Variants in TMEM108 observed in about 807,000 individuals in gnomAD.
The protein encoded by TMEM108 is cancer/testis antigen 124.
Under a neutral mutation model 35.1 loss-of-function variants are expected in TMEM108, and 12 were observed. The ratio of observed to expected loss-of-function variants is 0.34; its 90% CI spans 0.22 to 0.55. The LOEUF (loss-of-function observed/expected upper bound fraction) is 0.55. TMEM108 is among the 20% of genes least tolerant of loss of function. The probability of loss-of-function intolerance (pLI) is 0.89; values close to 1 mark genes in which losing one functional copy is unlikely to be tolerated. For synonymous variants in TMEM108, 287 were observed against 308.6 expected (o/e 0.93, Z 0.73); for missense variants, 680 against 753.3 (o/e 0.90, Z 1.14).
intron 3 of TMEM108, among the ~76,000 whole-genome samples, chr3:133,256,674 T>C (rs983187370): frequency 1.3e-5 from 2 of 151,972 alleles, no homozygotes; most frequent in Non-Finnish European, 2.9e-5. Context: ...ATTCATAACT[T>C]CCAAACCAGT....
chr3:133,351,597 C>A (rs2071999036), intron 3 of TMEM108, among the ~76,000 whole-genome samples: 1 of 152,136 alleles, frequency 6.6e-6, no homozygotes, highest in South Asian at 2.1e-4. Flanking sequence ...AGGAGGAAGA[C>A]ACCCTCAGGA....
chr3:133,276,315 G>A (rs1946837842), intron 3 of TMEM108, among the ~76,000 whole-genome samples: 2 of 152,170 alleles, frequency 1.3e-5, no homozygotes, highest in East Asian at 3.8e-4. Flanking sequence ...GGAGTGTAAG[G>A]GAAGACTTTC....
intron 3 of TMEM108, among the ~76,000 whole-genome samples, chr3:133,295,986 G>C (rs1351671292): frequency 6.6e-6 from 1 of 152,096 alleles, no homozygotes; most frequent in Non-Finnish European, 1.5e-5. Flanking sequence ...AGAGCTGGAC[G>C]GATAACTTTA....
At chr3:133,039,260 GT>G (rs1559812928) in intron 1 of TMEM108, among the ~76,000 whole-genome samples, 1 of 152,170 alleles carries the variant, frequency 6.6e-6, no homozygotes, top group Non-Finnish European at 1.5e-5. Context: ...GAAGATAGGG[GT>G]TTTTTTCGGA....
intron 2 of TMEM108, among the ~76,000 whole-genome samples, chr3:133,097,034 A>C (rs1944024153): frequency 6.6e-6 from 1 of 152,236 alleles, no homozygotes; most frequent in Non-Finnish European, 1.5e-5. Flanking sequence ...GGGAAGGACT[A>C]AAACATGGTT....
chr3:133,083,991 G>A (rs929830786), intron 2 of TMEM108, among the ~76,000 whole-genome samples: 12 of 152,178 alleles, frequency 7.9e-5, no homozygotes, highest in Middle Eastern at 3.4e-3. Context: ...CTCTTGACAC[G>A]GTTATAGGGA....
intron 3 of TMEM108, chr3:133,257,113 A>C (rs1467589522): frequency 6.6e-6 from 1 of 152,194 alleles, no homozygotes; most frequent in East Asian, 1.9e-4. Context: ...TATTGATATT[A>C]TCTCATTTGA....
At chr3:133,167,056 C>T (rs1156545001) in intron 2 of TMEM108, among the ~76,000 whole-genome samples, 1 of 152,180 alleles carries the variant, frequency 6.6e-6, no homozygotes, top group African/African-American at 2.4e-5. Context: ...GGTGCATTTA[C>T]AAACCTTGAG....
At chr3:133,347,148 C>T (rs1269196094) in intron 3 of TMEM108, among the ~76,000 whole-genome samples, 5 of 152,064 alleles carry the variant, frequency 3.3e-5, no homozygotes, top group Non-Finnish European at 5.9e-5. Flanking sequence ...ACTTTATAAT[C>T]AGTTTGTCAA....
chr3:133,370,143 C>CA (rs1245456043), intron 3 of TMEM108, among the ~76,000 whole-genome samples: 1 of 115,396 alleles, frequency 8.7e-6, no homozygotes, highest in African/African-American at 3.5e-5. Flanking sequence ...TGTTCAGACT[C>CA]CCTTTTTTTT....
chr3:133,179,365 A>G (rs1470263358), intron 2 of TMEM108, among the ~76,000 whole-genome samples: 1 of 152,234 alleles, frequency 6.6e-6, no homozygotes, highest in African/African-American at 2.4e-5. Context: ...ACGTATGTTT[A>G]TTGTGGCACT....
chr3:133,138,844 A>G (rs1944601297), intron 2 of TMEM108, among the ~76,000 whole-genome samples: 1 of 151,806 alleles, frequency 6.6e-6, no homozygotes, highest in African/African-American at 2.4e-5. Flanking sequence ...TACACATGCC[A>G]TGGTGGTTTG....
intron 3 of TMEM108, among the ~76,000 whole-genome samples, chr3:133,306,941 C>G (rs1374400640): frequency 6.6e-6 from 1 of 152,146 alleles, no homozygotes; most frequent in African/African-American, 2.4e-5. Context: ...CTTGAGGAAT[C>G]ACCACATTGT....
intron 2 of TMEM108, among the ~76,000 whole-genome samples, chr3:133,049,409 A>T (rs1943377636): frequency 6.6e-6 from 1 of 152,230 alleles, no homozygotes; most frequent in Admixed American, 6.5e-5. Flanking sequence ...TATGTCCATC[A>T]TCAGAGAAAT....
intron 2 of TMEM108, chr3:133,124,787 T>C (rs1379803343): frequency 1.3e-5 from 2 of 152,208 alleles, no homozygotes; most frequent in Non-Finnish European, 2.9e-5. Context: ...TTGGTTGCCA[T>C]AGGAATGTTT....
chr3:133,214,658 C>T (rs928042687), intron 2 of TMEM108, among the ~76,000 whole-genome samples: 2 of 152,136 alleles, frequency 1.3e-5, no homozygotes, highest in Non-Finnish European at 2.9e-5. Flanking sequence ...ATGTTAGTTA[C>T]GTTATATAAC....
chr3:133,389,611 A>T (rs1044512268), intron 4 of TMEM108: 7 of 154,096 alleles, frequency 4.5e-5, no homozygotes, highest in African/African-American at 1.7e-4. Context: ...GCTTGATCCC[A>T]GGAGGCAGAG....
At chr3:133,280,089 CCA>C (rs138717226) in intron 3 of TMEM108, among the ~76,000 whole-genome samples, 1,568 of 152,106 alleles carry the variant, frequency 0.01, 25 homozygotes, top group African/African-American at 0.034. Flanking sequence ...TAAAAGATCC[CCA>C]GTCAGAGGAG....
At chr3:133,381,187 C>T (rs1425225566) in intron 4 of TMEM108, 26 bp downstream of exon 4, 5 of 1,564,152 alleles carry the variant, frequency 3.2e-6, no homozygotes, top group Non-Finnish European at 4.3e-6. Context: ...TCCCACCCAT[C>T]CTCTCCCTCT....
Sources: gnomAD v4.1 joint callset for allele counts (sites outside exome capture counted in the v4.1 genomes callset) on GRCh38, gnomAD v4.1.1 for gene constraint, MANE v1.5 for transcripts, NCBI Gene and HGNC (gene_info 2026-07-23, HGNC 2026-07-21) for gene names.